The following DLG2 variants were observed in gnomAD, a reference collection of about 807,000 sequenced individuals.
The protein encoded by DLG2 is discs large MAGUK scaffold protein 2.
In DLG2, 45 loss-of-function variants were observed where a neutral mutation model predicts 132.5. The ratio of observed to expected loss-of-function variants is 0.34; its 90% CI spans 0.27 to 0.44. DLG2 has a LOEUF of 0.44. Among genes scored for constraint, DLG2 ranks in the 20% least tolerant of loss-of-function variants. The probability of loss-of-function intolerance (pLI) is 1.00; values close to 1 mark genes in which losing one functional copy is unlikely to be tolerated. For synonymous variants in DLG2, 424 were observed against 419.6 expected (o/e 1.01, Z -0.13); for missense variants, 1,045 against 1,196.9 (o/e 0.87, Z 1.87).
chr11:83,569,465 C>CT (rs1221717267), intron 19 of DLG2, among the ~76,000 whole-genome samples: 1 of 152,012 alleles, frequency 6.6e-6, no homozygotes, highest in African/African-American at 2.4e-5. Context: ...ATATTATATC[C>CT]TTTTTTCTCT....
chr11:83,874,359 G>C, intron 16 of DLG2, 61 bp downstream of exon 16: 1 of 1,206,026 alleles, frequency 8.3e-7, no homozygotes, highest in Non-Finnish European at 1.1e-6. Flanking sequence ...GACAGGGAGA[G>C]AAAGGAAGAC....
At chr11:85,068,711 A>T (rs2065306984) in intron 6 of DLG2, among the ~76,000 whole-genome samples, 1 of 152,146 alleles carries the variant, frequency 6.6e-6, no homozygotes, top group Admixed American at 6.6e-5. Context: ...AGTACTGTGA[A>T]AATGGCCATA....
chr11:85,151,098 T>C (rs1410195761), intron 5 of DLG2, among the ~76,000 whole-genome samples: 2 of 152,222 alleles, frequency 1.3e-5, no homozygotes, highest in Non-Finnish European at 2.9e-5. Context: ...GTGGTTTTGA[T>C]TGGCATTTCC....
At chr11:84,690,648 G>A (rs542386249) in intron 6 of DLG2, among the ~76,000 whole-genome samples, 1 of 151,862 alleles carries the variant, frequency 6.6e-6, no homozygotes, top group African/African-American at 2.4e-5. Flanking sequence ...CAGCCACAGT[G>A]GTAACAGATA....
chr11:84,584,149 T>C (rs571379679), intron 6 of DLG2, among the ~76,000 whole-genome samples: 2 of 152,154 alleles, frequency 1.3e-5, no homozygotes, highest in Non-Finnish European at 2.9e-5. Flanking sequence ...CCACCAGTAG[T>C]ATAGAAGAAA....
chr11:85,566,837 C>T (rs57477750), intron 3 of DLG2, among the ~76,000 whole-genome samples: 3,527 of 152,152 alleles, frequency 0.023, 138 homozygotes, highest in African/African-American at 0.081. Context: ...CCCTTTGAGT[C>T]AATTTTGTTA....
At chr11:83,461,868 A>C in intron 27 of DLG2, 134 bp downstream of exon 27, 1 of 651,828 alleles carries the variant, frequency 1.5e-6, no homozygotes, top group Non-Finnish European at 2.8e-6. Flanking sequence ...TACTCCTTGT[A>C]TATGAAACAG....
intron 6 of DLG2, among the ~76,000 whole-genome samples, chr11:84,961,354 A>G (rs558010818): frequency 2.6e-5 from 4 of 152,130 alleles, no homozygotes; most frequent in Admixed American, 2.6e-4. Flanking sequence ...GCAAAAATAC[A>G]TGGTGTAAAT....
intron 9 of DLG2, among the ~76,000 whole-genome samples, chr11:84,136,869 T>C (rs1241541162): frequency 6.6e-6 from 1 of 152,142 alleles, no homozygotes; most frequent in Admixed American, 6.6e-5. Flanking sequence ...ACTCTACTCA[T>C]ACAAAGTAGG....
intron 7 of DLG2, among the ~76,000 whole-genome samples, chr11:84,448,007 A>T (rs149355821): frequency 1.3e-5 from 2 of 152,218 alleles, no homozygotes; most frequent in Non-Finnish European, 2.9e-5. Flanking sequence ...ATGCATAAAT[A>T]AGGCCATTTT....
chr11:85,607,801 G>A (rs528935811), intron 2 of DLG2, among the ~76,000 whole-genome samples: 1 of 152,294 alleles, frequency 6.6e-6, no homozygotes, highest in Non-Finnish European at 1.5e-5. Flanking sequence ...GAAGATAAAA[G>A]GCATCAGTCT....
intron 19 of DLG2, among the ~76,000 whole-genome samples, chr11:83,622,347 G>T (rs79603328): frequency 0.018 from 2,776 of 152,268 alleles, 72 homozygotes; most frequent in African/African-American, 0.064. Flanking sequence ...GCTCTTTAAT[G>T]TGGGAATTCA....
At chr11:84,792,547 G>C (rs1476673220) in intron 6 of DLG2, among the ~76,000 whole-genome samples, 1 of 151,852 alleles carries the variant, frequency 6.6e-6, no homozygotes, top group Non-Finnish European at 1.5e-5. Context: ...GAAACCATTG[G>C]GTACCAGGTT....
chr11:85,155,727 A>G (rs973523171), intron 4 of DLG2, among the ~76,000 whole-genome samples: 3 of 152,086 alleles, frequency 2.0e-5, no homozygotes, highest in Non-Finnish European at 4.4e-5. Flanking sequence ...AAAATTAGCC[A>G]GGTGTGGTGG....
intron 5 of DLG2, among the ~76,000 whole-genome samples, chr11:85,124,447 A>G (rs1392188602): frequency 1.3e-5 from 2 of 152,236 alleles, no homozygotes; most frequent in Non-Finnish European, 2.9e-5. Flanking sequence ...TCAAATATAT[A>G]AACTAATTTG....
At chr11:85,549,212 T>C (rs1028420924) in intron 3 of DLG2, among the ~76,000 whole-genome samples, 2 of 152,156 alleles carry the variant, frequency 1.3e-5, no homozygotes, top group Non-Finnish European at 2.9e-5. Flanking sequence ...CAGTCCCTAA[T>C]GGCTTCCCTT....
intron 6 of DLG2, among the ~76,000 whole-genome samples, chr11:84,536,574 GC>G (rs2099356093): frequency 6.6e-6 from 1 of 152,076 alleles, no homozygotes; most frequent in Non-Finnish European, 1.5e-5. Flanking sequence ...GATCAGTTAC[GC>G]CCATTATGAG....
chr11:83,878,249 G>A (rs1021767062), intron 15 of DLG2, among the ~76,000 whole-genome samples: 1 of 152,082 alleles, frequency 6.6e-6, no homozygotes, highest in Non-Finnish European at 1.5e-5. Context: ...CTATACATTC[G>A]CAGCTCAGGG....
At chr11:84,826,425 G>A (rs1362363492) in intron 6 of DLG2, among the ~76,000 whole-genome samples, 1 of 151,786 alleles carries the variant, frequency 6.6e-6, no homozygotes, top group Non-Finnish European at 1.5e-5. Context: ...GATGGTCTAG[G>A]AGAGCCTCGG....
Sources: gnomAD v4.1 joint callset for allele counts (sites outside exome capture counted in the v4.1 genomes callset) on GRCh38, gnomAD v4.1.1 for gene constraint, MANE v1.5 for transcripts, NCBI Gene and HGNC (gene_info 2026-07-23, HGNC 2026-07-21) for gene names.